The following ZNF253 variants were observed in gnomAD, a reference collection of about 807,000 sequenced individuals.
The protein encoded by ZNF253 is DNA-binding protein.
Under a neutral mutation model 11.9 loss-of-function variants are expected in ZNF253, and 8 were observed. The observed-to-expected ratio is 0.67, with a 90% CI of 0.40 to 1.22. The LOEUF (loss-of-function observed/expected upper bound fraction) is 1.22, where lower values mean the gene tolerates loss of function less well. Among genes scored for constraint, ZNF253 ranks in the 50% most tolerant of loss-of-function variants. The pLI is 0.01. For missense variants in ZNF253, 485 were observed against 586.9 expected, an observed-to-expected ratio of 0.83 and a Z score of 1.79; for synonymous variants, 194 against 194.9, an observed-to-expected ratio of 1.00 and a Z score of 0.04.
At chr19:19,888,590 A>C (rs773286189) in intron 3 of ZNF253, among the ~76,000 whole-genome samples, 3 of 152,154 alleles carry the variant, frequency 2.0e-5, no homozygotes, top group African/African-American at 7.2e-5. Flanking sequence ...CTTCAGTTGC[A>C]TGCAAACATT....
chr19:19,878,384 C>T (rs2063164061), intron 1 of ZNF253, 97 bp from the exon 2 acceptor site: 1 of 1,595,660 alleles, frequency 6.3e-7, no homozygotes, highest in Non-Finnish European at 8.5e-7. Flanking sequence ...TCCTTTGAGT[C>T]AGAACCAGTT....
Position 19,883,414 on chromosome 19 carries a change from G to A in ZNF253, c.226+3268G>A, listed in dbSNP as rs116049267. Among the ~76,000 whole-genome samples the A allele has an allele frequency of 5.7e-3, 868 of 152,118 alleles. 9 individuals carry two copies. The highest frequency in any genetic ancestry group is 0.02 in the African/African-American group (831 of 41,482). On this transcript the variant is annotated intron_variant, in intron 3 of 3. Coordinates refer to ENST00000589717, the MANE Select transcript of ZNF253 (RefSeq NM_021047.3). The stretch of plus-strand genomic sequence containing the variant: ...ATCCCTGGAGCCTAAAAGTTTGAGA[G>A]CCGCCTGGGGAATATATGGAGACCT...
intron 3 of ZNF253, 79 bp downstream of exon 3, chr19:19,880,225 A>G (rs946582473): frequency 9.3e-7 from 1 of 1,073,858 alleles, no homozygotes. Flanking sequence ...AGTCTTTAAA[A>G]TGTGATTCTG....
Position 19,891,723 on chromosome 19 carries a change from C to T in ZNF253, c.476C>T (p.Ser159Leu), listed in dbSNP as rs1258017938. ...YGKVFHKFSN[S>L]NTYKTRHTGI... ...AAAGTCTTTCATAAGTTTTCAAATTCAAACACATATAAGACAAGACATACT... is the reference window on the plus strand; with the variant it reads ...AAAGTCTTTCATAAGTTTTCAAATTTAAACACATATAAGACAAGACATACT... Residue 159 changes from serine to leucine, a missense_variant, in exon 4 of 4, where the codon TCA (serine) becomes TTA (leucine). Around this residue, in one of 3 missense-constraint regions of ZNF253, gnomAD observed 218 missense variants for 213.1 expected, o/e 1.02. Transcript: ENST00000589717. 1 of 1,613,894 alleles carries T rather than the reference C, an allele frequency of 6.2e-7. No homozygotes were observed. The highest frequency in any genetic ancestry group is 8.5e-7 in the Non-Finnish European group (1 of 1,179,982).
Position 19,880,096 on chromosome 19 carries a change from G to GA in ZNF253, c.183dup (p.Pro62ThrfsTer8), listed in dbSNP as rs757858439. 8.7e-6 allele frequency: 14 copies of GA among 1,607,408 alleles called. No homozygotes were observed. In the East Asian group the frequency reaches 1.8e-4, roughly 21 times the overall value. ...GACCTGGTTACCTGTCTGGAGCAAG[G>GA]AAAAAAACCTTTAACTATGGAAAGA... On this transcript the variant is annotated frameshift_variant, in exon 3 of 4. Coordinates refer to ENST00000589717, the MANE Select transcript of ZNF253 (RefSeq NM_021047.3). LOFTEE classifies it low-confidence loss of function (END_TRUNC).
chr19:19,886,840 G>C (rs1271873341), intron 3 of ZNF253, among the ~76,000 whole-genome samples: 1 of 152,050 alleles, frequency 6.6e-6, no homozygotes, highest in Non-Finnish European at 1.5e-5. Context: ...TGTCTATAAT[G>C]TTAGCTAAGT....
intron 3 of ZNF253, among the ~76,000 whole-genome samples, chr19:19,880,779 T>C (rs2063175121): frequency 6.6e-6 from 1 of 152,084 alleles, no homozygotes; most frequent in African/African-American, 2.4e-5. Flanking sequence ...GACACACAAA[T>C]ATCTGCATAA....
In ZNF253 at chr19:19,892,069, T is replaced by G. The variant is rs571213839; in HGVS notation, c.822T>G (p.His274Gln). ...ACCGATCCACAGACCTTACTACACA[T>G]AAGATAGTTCATACTGGAGAGAAAC... ...AFNRSTDLTT[H>Q]KIVHTGEKPY... Residue 274 changes from histidine (H) to glutamine (Q), a missense_variant, in exon 4 of 4, where the codon CAT becomes CAG. Coordinates refer to ENST00000589717, the MANE Select transcript of ZNF253 (RefSeq NM_021047.3). 64 of 1,613,682 alleles carry G rather than the reference T, an allele frequency of 4.0e-5. No homozygotes were observed. Among genetic ancestry groups the G allele is most frequent in the Non-Finnish European group, 5.3e-5 (63 of 1,179,970 alleles).
intron 3 of ZNF253, among the ~76,000 whole-genome samples, chr19:19,882,966 G>A (rs1349014675): frequency 1.4e-5 from 2 of 142,116 alleles, no homozygotes; most frequent in Non-Finnish European, 3.0e-5. Context: ...GCGAGACTCC[G>A]TCTCAAAAAA....
intron 1 of ZNF253, among the ~76,000 whole-genome samples, chr19:19,866,809 C>A (rs1206280313): frequency 6.6e-6 from 1 of 152,126 alleles, no homozygotes; most frequent in Non-Finnish European, 1.5e-5. Context: ...CTGTGTCCTT[C>A]CCCCATTGGC....
rs148633127 is a variant in ZNF253 at position 19,877,608 on chromosome 19, C to T, written c.4-873C>T. Among the ~76,000 whole-genome samples the T allele has an allele frequency of 4.4e-3, 673 of 152,276 alleles. 4 individuals carry two copies. The highest frequency in any genetic ancestry group is 0.015 in the African/African-American group (644 of 41,554). On this transcript the variant is annotated intron_variant, in intron 1 of 3. Coordinates refer to ENST00000589717, the MANE Select transcript of ZNF253 (RefSeq NM_021047.3). The stretch of plus-strand genomic sequence containing the variant: ...CAGGCTGGTCTCGAACTCCCGACCT[C>T]AGGTGACCCACCCATCTCGGCCTCC...
intron 3 of ZNF253, among the ~76,000 whole-genome samples, chr19:19,891,007 A>ATTTTTT (rs1568501169): frequency 1.3e-5 from 2 of 149,814 alleles, no homozygotes; most frequent in African/African-American, 5.0e-5. Flanking sequence ...TGTCTGGCTA[A>ATTTTTT]TTTTTTGTAT....
Position 19,878,543 on chromosome 19 carries a change from C to T in ZNF253, c.66C>T (p.Asp22=). ...EFSLEEWHCL[D]TAQRNLYRDV... ...CTCTGGAGGAGTGGCATTGCCTGGA[C>T]ACTGCACAGCGGAATTTATATAGGG... The change falls in exon 2 of 4, where the codon GAC becomes GAT. Residue 22 remains aspartate (D), a synonymous_variant. Transcript: ENST00000589717. 6.2e-7 allele frequency: 1 copy of T among 1,614,020 alleles called. No individual in the cohort carries two copies. The highest frequency in any genetic ancestry group is 2.2e-5 in the East Asian group (1 of 44,858).
intron 1 of ZNF253, among the ~76,000 whole-genome samples, chr19:19,867,118 A>T (rs1308676413): frequency 6.6e-6 from 1 of 152,122 alleles, no homozygotes; most frequent in Non-Finnish European, 1.5e-5. Context: ...AGGTGGATGG[A>T]TCACTTGAGG....
chr19:19,880,292 T>TG (rs34794238), intron 3 of ZNF253, 146 bp downstream of exon 3: 40,233 of 412,466 alleles, frequency 0.098, 3,062 homozygotes, highest in East Asian at 0.31. Context: ...TTTTTTTTTT[T>TG]CTCCCACAAA....
At chr19:19,889,174 AT>A (rs2063218805) in intron 3 of ZNF253, among the ~76,000 whole-genome samples, 1 of 151,268 alleles carries the variant, frequency 6.6e-6, no homozygotes, top group Admixed American at 6.6e-5. Flanking sequence ...TGTTTACATT[AT>A]TTTTTCTTTT....
intron 3 of ZNF253, among the ~76,000 whole-genome samples, chr19:19,881,335 T>C (rs1223269706): frequency 6.6e-6 from 1 of 151,952 alleles, no homozygotes; most frequent in Non-Finnish European, 1.5e-5. Flanking sequence ...CTGGGCGCAG[T>C]TTAAGTGTAT....
chr19:19,884,319 T>C (rs187817968), intron 3 of ZNF253, among the ~76,000 whole-genome samples: 1 of 152,268 alleles, frequency 6.6e-6, no homozygotes, highest in Non-Finnish European at 1.5e-5. Context: ...TTTTCAAATA[T>C]GTCTTCCAGG....
intron 3 of ZNF253, among the ~76,000 whole-genome samples, chr19:19,885,350 C>CT (rs1239317790): frequency 1.7e-5 from 1 of 58,898 alleles, no homozygotes. Flanking sequence ...TTCTTTCTTT[C>CT]TTTCTTCCTT....
Sources: allele counts gnomAD v4.1 joint callset (sites outside exome capture counted in the v4.1 genomes callset), GRCh38; gene constraint gnomAD v4.1.1; regional missense constraint gnomAD v4.1.1; transcripts MANE v1.5; gene names NCBI Gene and HGNC (gene_info 2026-07-23, HGNC 2026-07-21).